ZNF83: variants seen among roughly 807,000 people sequenced by gnomAD.
ZNF83 encodes zinc finger protein 816B.
For synonymous variants in ZNF83, 209 were observed against 213.0 expected (o/e 0.98, Z 0.17); for missense variants, 552 against 629.9 (o/e 0.88, Z 1.32).
At position 52,614,143 on chromosome 19, in the gene ZNF83, C is replaced by A. The variant is rs138777214; in HGVS notation, c.422G>T (p.Arg141Ile). The A allele has an allele frequency of 5.2e-4, 832 of 1,614,062 alleles. 6 individuals carry two copies. The African/African-American group carries it at 9.5e-3, about 18-fold the overall frequency. The change falls in exon 3 of 3, where the codon AGA becomes ATA. Residue 141 changes from arginine to isoleucine, a missense_variant. Physicochemically the swap from Arg to Ile is moderately conservative, Grantham distance 97. Transcript: ENST00000301096. ...ATATGGCTTCTCTCCAGTATGAATT[C>A]TTTGATGACTTGCAAGGTTTGATTT...
chr19:52,618,707 T>C, intron 2 of ZNF83: 2 of 818,592 alleles, frequency 2.4e-6, no homozygotes, highest in South Asian at 4.0e-5. Context: ...AGCCATAAGG[T>C]TTTAAGCCTT....
At chr19:52,661,005 A>G (rs1483772411) in intron 1 of ZNF83, among the ~76,000 whole-genome samples, 1 of 152,004 alleles carries the variant, frequency 6.6e-6, no homozygotes, top group Non-Finnish European at 1.5e-5. Context: ...GCTGGGATTC[A>G]AGCCATACTC....
upstream of ZNF83, among the ~76,000 whole-genome samples, chr19:52,641,600 G>C (rs1292680180): frequency 9.2e-5 from 14 of 152,034 alleles, no homozygotes; most frequent in Non-Finnish European, 2.1e-4. Context: ...TGTTTTTTGA[G>C]ATGGAGTTTC....
intron 1 of ZNF83, among the ~76,000 whole-genome samples, chr19:52,678,781 C>T (rs113314062): frequency 6.6e-6 from 1 of 152,056 alleles, no homozygotes; most frequent in African/African-American, 2.4e-5. Flanking sequence ...CAAGACCAGC[C>T]TGGCCAACAT....
At chr19:52,617,344 A>G (rs1434872829) in intron 2 of ZNF83, 2 of 152,264 alleles carry the variant, frequency 1.3e-5, no homozygotes, top group African/African-American at 4.8e-5. Flanking sequence ...TCCTACAGAT[A>G]AGCAAGTGTC....
intron 3 of ZNF83, among the ~76,000 whole-genome samples, chr19:52,649,990 C>G (rs892501990): frequency 6.6e-6 from 1 of 152,032 alleles, no homozygotes; most frequent in African/African-American, 2.4e-5. Flanking sequence ...GGCCACAGAA[C>G]TCAAAGACAG....
intron 2 of ZNF83, among the ~76,000 whole-genome samples, chr19:52,624,992 A>AC (rs1338919948): frequency 1.3e-5 from 2 of 151,270 alleles, no homozygotes; most frequent in African/African-American, 4.9e-5. Context: ...ACCACACCTG[A>AC]CCCCCATGAC....
chr19:52,639,416 T>TTTTC (rs1491136376), upstream of ZNF83, among the ~76,000 whole-genome samples: 317 of 49,184 alleles, frequency 6.4e-3, 3 homozygotes, highest in African/African-American at 0.034. Flanking sequence ...GTTTTTTCTA[T>TTTTC]TTTTTTTTTT....
At chr19:52,668,952 C>T (rs1425466363) in intron 1 of ZNF83, among the ~76,000 whole-genome samples, 1 of 152,190 alleles carries the variant, frequency 6.6e-6, no homozygotes, top group Non-Finnish European at 1.5e-5. Flanking sequence ...ATCCAGCTTC[C>T]AACTCCCAAC....
At chr19:52,687,943 CAA>C (rs1270161298) in intron 1 of ZNF83, among the ~76,000 whole-genome samples, 1 of 151,944 alleles carries the variant, frequency 6.6e-6, no homozygotes, top group East Asian at 1.9e-4. Context: ...ACTTCCAACT[CAA>C]TAAGTCACTG....
chr19:52,630,723 A>G (rs1351377214), intron 2 of ZNF83, among the ~76,000 whole-genome samples: 2 of 151,858 alleles, frequency 1.3e-5, no homozygotes, highest in Non-Finnish European at 2.9e-5. Context: ...TTACCATCCC[A>G]TTAAAACCTA....
At chr19:52,631,760 C>T (rs1089764) in intron 2 of ZNF83, among the ~76,000 whole-genome samples, 102,400 of 144,970 alleles carry the variant, frequency 0.71, 35,850 homozygotes, top group Admixed American at 0.79. Context: ...TTATTGATGG[C>T]GGTTCCACCA....
chr19:52,652,125 T>C, intron 3 of ZNF83: 1 of 237,146 alleles, frequency 4.2e-6, no homozygotes. Flanking sequence ...TGATGTCTAA[T>C]GCGGTGTGAA....
intron 2 of ZNF83, among the ~76,000 whole-genome samples, chr19:52,633,399 A>C (rs1226214635): frequency 6.6e-6 from 1 of 152,200 alleles, no homozygotes; most frequent in Non-Finnish European, 1.5e-5. Flanking sequence ...TGCATGAAAA[A>C]TATAATTTCT....
chr19:52,628,066 A>G (rs2060809515), intron 2 of ZNF83, among the ~76,000 whole-genome samples: 1 of 152,052 alleles, frequency 6.6e-6, no homozygotes, highest in African/African-American at 2.4e-5. Flanking sequence ...ATCCTATAAA[A>G]TGGCCCAACC....
At chr19:52,613,314 T>A in exon 3 of ZNF83, 1 of 1,614,150 alleles carries the variant, frequency 6.2e-7, no homozygotes, top group Non-Finnish European at 8.5e-7. Flanking sequence ...TCCAATGATA[T>A]GCAAGGTATG....
intron 1 of ZNF83, among the ~76,000 whole-genome samples, chr19:52,689,982 C>T (rs894441349): frequency 3.9e-5 from 6 of 152,236 alleles, no homozygotes; most frequent in Admixed American, 2.6e-4. Flanking sequence ...AGGTGGGGGG[C>T]GACGGCGCCT....
chr19:52,687,819 T>C (rs2062072982), intron 1 of ZNF83, among the ~76,000 whole-genome samples: 1 of 149,144 alleles, frequency 6.7e-6, no homozygotes, highest in Non-Finnish European at 1.5e-5. Flanking sequence ...AGCCAGACCC[T>C]GTCTCAAAAT....
At chr19:52,619,298 C>A (rs2060444728) in intron 2 of ZNF83, among the ~76,000 whole-genome samples, 1 of 152,032 alleles carries the variant, frequency 6.6e-6, no homozygotes, top group South Asian at 2.1e-4. Context: ...AAGAAACACT[C>A]AAATAAATAG....
Sources: gnomAD v4.1 joint callset for allele counts (sites outside exome capture counted in the v4.1 genomes callset) on GRCh38, gnomAD v4.1.1 for gene constraint, MANE v1.5 for transcripts, NCBI Gene and HGNC (gene_info 2026-07-23, HGNC 2026-07-21) for gene names.